SND1: variants seen among roughly 807,000 people sequenced by gnomAD.
SND1 encodes staphylococcal nuclease and tudor domain containing 1, also known as staphylococcal nuclease domain-containing protein 1.
SND1 carries 38 observed loss-of-function variants against 121.7 expected under a neutral mutation model. The ratio of observed to expected loss-of-function variants is 0.31; its 90% CI spans 0.24 to 0.41. SND1 has a LOEUF of 0.41. SND1 is among the 10% of genes least tolerant of loss of function. SND1 has a pLI of 1.00. For missense variants in SND1, 868 were observed against 1,184.6 expected, an observed-to-expected ratio of 0.73 and a Z score of 3.92; for synonymous variants, 401 against 447.4, an observed-to-expected ratio of 0.90 and a Z score of 1.31.
intron 14 of SND1, among the ~76,000 whole-genome samples, chr7:127,916,413 A>G (rs1012927524): frequency 1.3e-5 from 2 of 152,136 alleles, no homozygotes; most frequent in Non-Finnish European, 2.9e-5. Flanking sequence ...GTAGATTTGC[A>G]AGGAAAATTA....
At chr7:127,822,550 A>AT (rs1408354131) in intron 11 of SND1, among the ~76,000 whole-genome samples, 1 of 151,920 alleles carries the variant, frequency 6.6e-6, no homozygotes, top group Non-Finnish European at 1.5e-5. Flanking sequence ...TTTACTGCTC[A>AT]TTTTTTCAAT....
Position 127,977,700 on chromosome 7 carries a change from C to T in SND1, c.1670-13247C>T, listed in dbSNP as rs1231251787. On this transcript the variant is annotated intron_variant, in intron 15 of 23. Transcript: ENST00000354725. ...AATAAGTATAGGGAAAAATCGAGGG[C>T]AGGCACAGGTAGATCGATCAGAAGA... is the stretch of plus-strand genomic sequence containing the variant. Among the ~76,000 whole-genome samples, 3 of 152,096 alleles carry T rather than the reference C, an allele frequency of 2.0e-5. No individual in the cohort carries two copies. In the East Asian group the frequency reaches 5.8e-4, roughly 29 times the overall value.
At chr7:127,722,458 A>G (rs1345442531) in intron 10 of SND1, among the ~76,000 whole-genome samples, 1 of 152,014 alleles carries the variant, frequency 6.6e-6, no homozygotes, top group African/African-American at 2.4e-5. Flanking sequence ...AGCTAGGACT[A>G]TAGGTGTGAG....
At chr7:127,768,082 C>G (rs944544182) in intron 10 of SND1, among the ~76,000 whole-genome samples, 5 of 152,176 alleles carry the variant, frequency 3.3e-5, no homozygotes, top group African/African-American at 1.2e-4. Flanking sequence ...TGCCGCAGCT[C>G]TTTAGCCAGC....
Position 127,712,397 on chromosome 7 carries a change from G to C in SND1, c.1038+4750G>C, listed in dbSNP as rs950039927. Among the ~76,000 whole-genome samples, 5 of 152,160 alleles carry C rather than the reference G, an allele frequency of 3.3e-5. No homozygotes were observed. In the South Asian group the frequency reaches 1.0e-3, roughly 31 times the overall value. ...TGGTCTTGAACTCCTGGGCTCAAGT[G>C]ATCCTCCCACCTTGAGCTCCCAAAG... On this transcript the variant is annotated intron_variant, in intron 9 of 23. Transcript: ENST00000354725.
intron 12 of SND1, among the ~76,000 whole-genome samples, chr7:127,879,033 G>A (rs1340011159): frequency 6.6e-6 from 1 of 152,046 alleles, no homozygotes; most frequent in Non-Finnish European, 1.5e-5. Context: ...GGGTGGGAAG[G>A]GTGTGGTGTG....
At chr7:127,847,925 G>A (rs1799096304) in intron 12 of SND1, among the ~76,000 whole-genome samples, 2 of 152,146 alleles carry the variant, frequency 1.3e-5, no homozygotes, top group African/African-American at 4.8e-5. Flanking sequence ...TGGGAGGGTA[G>A]GTTTAACTGG....
chr7:127,689,818 C>T lies in SND1; in HGVS notation c.228+3056C>T, dbSNP rs545948935. Among the ~76,000 whole-genome samples, 5 of 152,194 alleles carry T rather than the reference C, an allele frequency of 3.3e-5. 1 individual carries two copies. The highest frequency in any genetic ancestry group is 6.5e-5 in the Admixed American group (1 of 15,292). On this transcript the variant is annotated intron_variant, in intron 2 of 23. Coordinates refer to ENST00000354725, the MANE Select transcript of SND1 (RefSeq NM_014390.4). ...CCTAATAATCCAATGTCTCCTCACC[C>T]TGCTGTGATTTGGTTTTCCTCCTAT...
chr7:127,991,769 A>C (rs1563081208), intron 16 of SND1, among the ~76,000 whole-genome samples: 1 of 152,150 alleles, frequency 6.6e-6, no homozygotes, highest in Admixed American at 6.5e-5. Flanking sequence ...CAGAGGTACA[A>C]GATTATAGGG....
At chr7:128,089,729 A>T (rs1382291783) in intron 22 of SND1, 37 bp downstream of exon 22, 1 of 1,576,974 alleles carries the variant, frequency 6.3e-7, no homozygotes, top group Non-Finnish European at 8.7e-7. Flanking sequence ...GCATTGCGCC[A>T]CCACCCTCAC....
At chr7:127,698,734 T>G (rs1423150014) in intron 3 of SND1, 141 bp from the exon 4 acceptor site, 1 of 667,766 alleles carries the variant, frequency 1.5e-6, no homozygotes, top group Non-Finnish European at 2.7e-6. Context: ...AAAAACCCAA[T>G]GCTACATTGC....
chr7:127,664,643 A>G (rs1471402302), intron 1 of SND1, among the ~76,000 whole-genome samples: 1 of 152,178 alleles, frequency 6.6e-6, no homozygotes, highest in Non-Finnish European at 1.5e-5. Context: ...CAAATTAATA[A>G]ACCCGAGAAG....
At chr7:127,964,191 C>T (rs993188028) in intron 15 of SND1, among the ~76,000 whole-genome samples, 3 of 151,168 alleles carry the variant, frequency 2.0e-5, no homozygotes, top group African/African-American at 7.3e-5. Context: ...AAATTTTCTC[C>T]CATGTTATAG....
intron 10 of SND1, among the ~76,000 whole-genome samples, chr7:127,721,708 C>G (rs1796499139): frequency 6.6e-6 from 1 of 152,040 alleles, no homozygotes; most frequent in African/African-American, 2.4e-5. Context: ...TTAACAAGAT[C>G]TTATTTTTCT....
At chr7:127,861,745 A>T (rs902571721) in intron 12 of SND1, among the ~76,000 whole-genome samples, 2 of 152,202 alleles carry the variant, frequency 1.3e-5, no homozygotes, top group African/African-American at 2.4e-5. Flanking sequence ...TGCTGGGATT[A>T]CAGGCGTGAG....
intron 10 of SND1, among the ~76,000 whole-genome samples, chr7:127,726,802 C>T (rs745753079): frequency 7.2e-5 from 11 of 152,226 alleles, no homozygotes; most frequent in Non-Finnish European, 1.5e-4. Context: ...ACCTTGAAAA[C>T]AGGTACATAA....
chr7:127,718,247 G>A (rs1032918428), intron 9 of SND1, among the ~76,000 whole-genome samples: 1 of 152,110 alleles, frequency 6.6e-6, no homozygotes, highest in African/African-American at 2.4e-5. Flanking sequence ...GCATACTTCA[G>A]TTATCCTGAT....
chr7:128,062,665 G>T (rs186973847), intron 16 of SND1, among the ~76,000 whole-genome samples: 3 of 152,142 alleles, frequency 2.0e-5, no homozygotes, highest in Non-Finnish European at 4.4e-5. Context: ...AGGGATTGGC[G>T]TCTGTGTCCC....
intron 10 of SND1, among the ~76,000 whole-genome samples, chr7:127,758,940 G>C (rs1417822188): frequency 6.6e-6 from 1 of 152,100 alleles, no homozygotes. Flanking sequence ...TGTGGTCCTG[G>C]CTCCTCGGGA....
Sources: gnomAD v4.1 joint callset for allele counts (sites outside exome capture counted in the v4.1 genomes callset) on GRCh38, gnomAD v4.1.1 for gene constraint, MANE v1.5 for transcripts, NCBI Gene and HGNC (gene_info 2026-07-23, HGNC 2026-07-21) for gene names.